Variants in HVCN1 observed in about 807,000 individuals in gnomAD.
The protein encoded by HVCN1 is voltage-gated hydrogen channel 1.
HVCN1 carries 14 observed loss-of-function variants against 29.2 expected under a neutral mutation model. The observed-to-expected ratio is 0.48, with a 90% CI of 0.32 to 0.75. The LOEUF (loss-of-function observed/expected upper bound fraction) is 0.75. HVCN1 is among the 30% of genes least tolerant of loss of function. The pLI, the probability that HVCN1 is intolerant of heterozygous loss-of-function variation, is 0.04. For synonymous variants in HVCN1, 131 were observed against 133.2 expected, an observed-to-expected ratio of 0.98 and a Z score of 0.11; for missense variants, 263 against 341.8, an observed-to-expected ratio of 0.77 and a Z score of 1.82.
At chr12:110,698,414 AGCATCTCCTTGTTCC>A (rs1386988584) in intron 2 of HVCN1, among the ~76,000 whole-genome samples, 1 of 152,192 alleles carries the variant, frequency 6.6e-6, no homozygotes, top group Non-Finnish European at 1.5e-5. Flanking sequence ...AGGGTTTAGC[AGCATCTCCTTGTTCC>A]ACCTGCTGGT....
intron 1 of HVCN1, among the ~76,000 whole-genome samples, chr12:110,703,246 A>G (rs895091501): frequency 1.3e-4 from 19 of 149,392 alleles, no homozygotes; most frequent in African/African-American, 4.7e-4. Context: ...AATTAGCTGG[A>G]TGTGCTCTGG....
Position 110,649,223 on chromosome 12 carries a change from T to C in HVCN1, c.*187A>G. The C allele has an allele frequency of 1.5e-6, 1 of 673,656 alleles. No individual in the cohort carries two copies. Among genetic ancestry groups the C allele is most frequent in the Non-Finnish European group, 2.7e-6 (1 of 370,982 alleles). 41.7% of individuals were successfully genotyped at this position (673,656 alleles called of 1,614,324 possible). Reference sequence around the variant, plus strand: ...TGATACAGTGTGGGGTGGGAGTGGATGGGCAGCTCTTGGTGGTACTGGACC... The same window carrying C: ...TGATACAGTGTGGGGTGGGAGTGGACGGGCAGCTCTTGGTGGTACTGGACC... On this transcript the variant is annotated 3_prime_UTR_variant, in exon 8 of 8. Coordinates refer to ENST00000242607, the MANE Select transcript of HVCN1 (RefSeq NM_032369.4).
At chr12:110,670,983 A>G (rs1009204033) in intron 3 of HVCN1, among the ~76,000 whole-genome samples, 12 of 152,026 alleles carry the variant, frequency 7.9e-5, no homozygotes, top group African/African-American at 2.9e-4. Flanking sequence ...CTTGAGGTCA[A>G]GAGTTCAAGA....
chr12:110,655,896 T>G (rs1283285744), intron 4 of HVCN1, among the ~76,000 whole-genome samples: 4 of 151,914 alleles, frequency 2.6e-5, no homozygotes, highest in African/African-American at 4.8e-5. Context: ...GTAGAGATGG[T>G]GTTTCACCAT....
chr12:110,677,597 TG>T (rs2068790203), intron 3 of HVCN1, among the ~76,000 whole-genome samples: 1 of 152,190 alleles, frequency 6.6e-6, no homozygotes, highest in South Asian at 2.1e-4. Flanking sequence ...ATCTCTTCTC[TG>T]TGGGGAGGCA....
chr12:110,671,442 C>T (rs762126067), intron 3 of HVCN1, among the ~76,000 whole-genome samples: 45 of 152,162 alleles, frequency 3.0e-4, no homozygotes, highest in Non-Finnish European at 4.6e-4. Flanking sequence ...ATGGAAGAGG[C>T]CTGGGACACA....
intron 2 of HVCN1, among the ~76,000 whole-genome samples, chr12:110,686,504 G>A (rs180857532): frequency 2.6e-5 from 4 of 152,152 alleles, no homozygotes; most frequent in Admixed American, 6.5e-5. Context: ...CTGCTCTCAC[G>A]AGAGGGGCTC....
At chr12:110,665,038 G>A (rs187920647) in intron 3 of HVCN1, among the ~76,000 whole-genome samples, 143 of 152,120 alleles carry the variant, frequency 9.4e-4, no homozygotes, top group Non-Finnish European at 1.8e-3. Flanking sequence ...TATAGGAAGG[G>A]CCACATTACA....
At chr12:110,703,260 A>G (rs573975590) in intron 1 of HVCN1, among the ~76,000 whole-genome samples, 76 of 151,250 alleles carry the variant, frequency 5.0e-4, no homozygotes, top group Non-Finnish European at 8.4e-4. Flanking sequence ...GCTCTGGTGC[A>G]TGCTTGTAGT....
At chr12:110,649,627 A>G (rs1378826762) in intron 7 of HVCN1, 152 bp from the exon 8 acceptor site, 9 of 667,058 alleles carry the variant, frequency 1.3e-5, no homozygotes, top group Admixed American at 4.5e-5. Flanking sequence ...GACTGCTACA[A>G]TCAGATAGGC....
intron 1 of HVCN1, among the ~76,000 whole-genome samples, chr12:110,703,830 G>A (rs574038960): frequency 1.6e-4 from 25 of 152,090 alleles, no homozygotes; most frequent in Admixed American, 7.2e-4. Flanking sequence ...GATTATAGGC[G>A]TGCGCCACCA....
At position 110,650,217 on chromosome 12, in the gene HVCN1, A is replaced by C; in HGVS notation, c.707T>G (p.Val236Gly). The C allele has an allele frequency of 6.2e-7, 1 of 1,613,682 alleles. No homozygotes were observed. The highest frequency in any genetic ancestry group is 1.7e-4 in the Middle Eastern group (1 of 6,060). ...GTGTTGAATCTTGGCGGCCAATTGT[A>C]CATTCATCTGTTTTAACCTTAAGAG... Reference protein sequence around the residue: ...RQLLRLKQMNVQLAAKIQHLE... With the variant: ...RQLLRLKQMNGQLAAKIQHLE... Residue 236 changes from valine (V) to glycine (G), a missense_variant, in exon 7 of 8, where the codon GTA becomes GGA. Physicochemically the swap from Val to Gly is moderately radical, Grantham distance 109 (BLOSUM62 -3). Transcript: ENST00000242607.
chr12:110,672,217 C>G (rs1343986254), intron 3 of HVCN1, among the ~76,000 whole-genome samples: 4 of 152,148 alleles, frequency 2.6e-5, no homozygotes, highest in Non-Finnish European at 5.9e-5. Flanking sequence ...TCAAGCAATC[C>G]TCCCGCCTCA....
At chr12:110,650,046 T>C in intron 7 of HVCN1, 122 bp downstream of exon 7, 1 of 625,334 alleles carries the variant, frequency 1.6e-6, no homozygotes, top group Non-Finnish European at 2.9e-6. Context: ...GGTTTCTCCA[T>C]GTTGGTCAGG....
rs746304951 is a variant in HVCN1 at position 110,661,489 on chromosome 12, G to C, written c.22-41C>G. On this transcript the variant is annotated intron_variant, in intron 3 of 7. Transcript: ENST00000242607. The surrounding 1 kb of genome is among the most constrained non-coding windows in gnomAD (Gnocchi z 6.2). ...AGAGAGCAAGAGCTTCAGGCAGTTG[G>C]CCACTCAGAGCCCACATGGCCCAGG... 16 of 1,592,956 alleles carry C rather than the reference G, an allele frequency of 1.0e-5. No individual in the cohort carries two copies. Among genetic ancestry groups the C allele is most frequent in the Non-Finnish European group, 1.4e-5 (16 of 1,167,444 alleles).
Position 110,648,776 on chromosome 12 carries a change from G to GAATAC in HVCN1, c.*633_*634insGTATT. On this transcript the variant is annotated 3_prime_UTR_variant, in exon 8 of 8. Transcript: ENST00000242607. ...CCACAGAGGAAAGAATACAGTAGGA[G>GAATAC]GGTCCAGGGAAAAGAGAGAGTTTAT... 2 of 299,326 alleles carry GAATAC rather than the reference G, an allele frequency of 6.7e-6. No homozygotes were observed. Among genetic ancestry groups the GAATAC allele is most frequent in the Non-Finnish European group, 1.3e-5 (2 of 157,722 alleles). 18.5% of individuals were successfully genotyped at this position (299,326 alleles called of 1,614,324 possible). A position where few individuals can be genotyped will look rare whatever the true frequency, so the allele number is the denominator to read the frequency against.
Position 110,697,284 on chromosome 12 carries a change from G to A in HVCN1, c.-104+5025C>T, listed in dbSNP as rs374028034. On this transcript the variant is annotated intron_variant, in intron 2 of 4. Coordinates refer to the HVCN1 transcript ENST00000546713. ...CTGGGCTGTGATCCCCTTCCAGAGTGTTGACAAAGGGGTTCAGGACCAAGC... is the reference window on the plus strand; with the variant it reads ...CTGGGCTGTGATCCCCTTCCAGAGTATTGACAAAGGGGTTCAGGACCAAGC... Among the ~76,000 whole-genome samples, 77 of 152,190 alleles carry A rather than the reference G, an allele frequency of 5.1e-4. 1 individual carries two copies. The highest frequency in any genetic ancestry group is 1.8e-3 in the African/African-American group (76 of 41,518).
rs2068152291 is a variant in HVCN1 at position 110,661,099 on chromosome 12, C to A, written c.306+65G>T. On this transcript the variant is annotated intron_variant, in intron 4 of 7. Coordinates refer to ENST00000242607, the MANE Select transcript of HVCN1 (RefSeq NM_032369.4). The surrounding 1 kb of genome is among the most constrained non-coding windows in gnomAD (Gnocchi z 6.2). Reference sequence around the variant, plus strand: ...GGCCAAATGGGCTCAGCCTGGCCGCCTGCCTCACATTCCCCGATGGCTCTC... The same window carrying A: ...GGCCAAATGGGCTCAGCCTGGCCGCATGCCTCACATTCCCCGATGGCTCTC... 1 of 1,491,642 alleles carries A rather than the reference C, an allele frequency of 6.7e-7. No individual in the cohort carries two copies. The highest frequency in any genetic ancestry group is 1.4e-5 in the African/African-American group (1 of 71,848). 92.4% of individuals were successfully genotyped at this position (1,491,642 alleles called of 1,614,324 possible). A position where few individuals can be genotyped will look rare whatever the true frequency, so the allele number is the denominator to read the frequency against.
chr12:110,660,402 G>A (rs530461682), intron 4 of HVCN1, among the ~76,000 whole-genome samples: 1 of 152,336 alleles, frequency 6.6e-6, no homozygotes, highest in African/African-American at 2.4e-5. Context: ...GCTAAGGCCA[G>A]GACAGGCAGG....
Sources: gnomAD v4.1 joint callset for allele counts (sites outside exome capture counted in the v4.1 genomes callset) on GRCh38, gnomAD v4.1.1 for gene constraint, Gnocchi (gnomAD v3.1) non-coding constraint, MANE v1.5 for transcripts, NCBI Gene and HGNC (gene_info 2026-07-23, HGNC 2026-07-21) for gene names.